CYP2B6: variants seen among roughly 807,000 people sequenced by gnomAD.
The protein encoded by CYP2B6 is cytochrome P450 family 2 subfamily B member 6.
In CYP2B6, 35 loss-of-function variants were observed where a neutral mutation model predicts 43.4. The ratio of observed to expected loss-of-function variants is 0.81; its 90% CI spans 0.62 to 1.07. The LOEUF is 1.07. Ranked by LOEUF, CYP2B6 falls within the 50% of genes least tolerant of loss-of-function variation. CYP2B6 has a pLI of 0.00. For synonymous variants in CYP2B6, 239 were observed against 239.2 expected (o/e 1.00, Z 0.01); for missense variants, 624 against 632.8 (o/e 0.99, Z 0.15).
chr19:41,007,372 G>T, intron 4 of CYP2B6: 1 of 405,150 alleles, frequency 2.5e-6, no homozygotes, highest in East Asian at 4.9e-5. Flanking sequence ...GAGAGACAGA[G>T]TTGATGAGAA....
At chr19:41,005,661 A>G (rs1969167702) in intron 3 of CYP2B6, among the ~76,000 whole-genome samples, 1 of 151,818 alleles carries the variant, frequency 6.6e-6, no homozygotes, top group African/African-American at 2.4e-5. Context: ...CGTGCCTTTA[A>G]TCCCAGCTAC....
chr19:41,000,473 G>A (rs764425405), intron 1 of CYP2B6, among the ~76,000 whole-genome samples: 1 of 152,184 alleles, frequency 6.6e-6, no homozygotes, highest in Non-Finnish European at 1.5e-5. Context: ...GGCCTACAAA[G>A]TGCTGCCTGG....
chr19:41,015,265 T>A (rs767377974), intron 8 of CYP2B6, among the ~76,000 whole-genome samples: 3 of 151,986 alleles, frequency 2.0e-5, no homozygotes, highest in Non-Finnish European at 4.4e-5. Flanking sequence ...GAGAGGGAGA[T>A]AATAAGCCTC....
chr19:41,005,838 CACAG>C (rs1217267387), intron 3 of CYP2B6, among the ~76,000 whole-genome samples: 1 of 151,580 alleles, frequency 6.6e-6, no homozygotes, highest in Non-Finnish European at 1.5e-5. Flanking sequence ...CAAATATACA[CACAG>C]AGAGACAGAA....
Position 41,004,412 on chromosome 19 carries a change from T to C in CYP2B6, c.450T>C (p.Ala150=). 4 of 1,613,806 alleles carry C rather than the reference T, an allele frequency of 2.5e-6. No homozygotes were observed. Among genetic ancestry groups the C allele is most frequent in the Admixed American group, 3.3e-5 (2 of 59,962 alleles). Residue 150 remains alanine, a synonymous_variant, in exon 3 of 9, where the codon GCT becomes GCC. Coordinates refer to ENST00000324071, the MANE Select transcript of CYP2B6 (RefSeq NM_000767.5). ...RSVEERIQEE[A]QCLIEELRKS... ...TGGAGGAGCGGATTCAGGAGGAGGC[T>C]CAGTGTCTGATAGAGGAGCTTCGGA...
At chr19:40,993,172 A>T (rs139730146) in intron 1 of CYP2B6, among the ~76,000 whole-genome samples, 2 of 152,270 alleles carry the variant, frequency 1.3e-5, no homozygotes, top group East Asian at 3.9e-4. Context: ...ATTCATTTGT[A>T]GTTGGCCTGG....
chr19:41,014,499 G>A (rs1969331756), intron 8 of CYP2B6, among the ~76,000 whole-genome samples: 1 of 151,974 alleles, frequency 6.6e-6, no homozygotes, highest in East Asian at 1.9e-4. Flanking sequence ...TAGAGACTGG[G>A]TTTCACCGTG....
chr19:40,997,774 G>C (rs1160789931), intron 1 of CYP2B6, among the ~76,000 whole-genome samples: 2 of 152,048 alleles, frequency 1.3e-5, no homozygotes, highest in Non-Finnish European at 2.9e-5. Context: ...CTTATGATTA[G>C]ATAAGATGTT....
chr19:41,012,886 C>A (rs185532059), intron 8 of CYP2B6, 71 bp downstream of exon 8: 3 of 1,520,942 alleles, frequency 2.0e-6, no homozygotes, highest in Non-Finnish European at 2.7e-6. Context: ...AGAAAAACAA[C>A]GAGAGATACT....
chr19:41,002,115 C>G (rs4803417), intron 1 of CYP2B6, among the ~76,000 whole-genome samples: 1 of 151,970 alleles, frequency 6.6e-6, no homozygotes, highest in South Asian at 2.1e-4. Context: ...CATGTGAACC[C>G]TCAGTGGAGA....
rs534444682 is a variant in CYP2B6 at position 41,014,447 on chromosome 19, G to A, written c.1294+1632G>A. Among the ~76,000 whole-genome samples, 119 of 152,014 alleles carry A rather than the reference G, an allele frequency of 7.8e-4. 1 individual carries two copies. Among genetic ancestry groups the A allele is most frequent in the Non-Finnish European group, 6.8e-4 (46 of 67,972 alleles). On this transcript the variant is annotated intron_variant, in intron 8 of 8. Coordinates refer to ENST00000324071, the MANE Select transcript of CYP2B6 (RefSeq NM_000767.5). Reference sequence around the variant, plus strand: ...CAGCCTCCCGAGTACCTGAAACTACGGGCGCATGCCACCATGCCTGGCTAT... The same window carrying A: ...CAGCCTCCCGAGTACCTGAAACTACAGGCGCATGCCACCATGCCTGGCTAT...
chr19:41,009,534 G>C, intron 5 of CYP2B6, 139 bp downstream of exon 5: 1 of 930,884 alleles, frequency 1.1e-6, no homozygotes, highest in Non-Finnish European at 1.7e-6. Flanking sequence ...ATAGGGAAAG[G>C]GAGGAGAGAA....
chr19:41,004,394 G>A lies in CYP2B6; in HGVS notation c.432G>A (p.Glu144=), dbSNP rs762533351. Reference sequence around the variant, plus strand: ...GGATGGGAAAGCGGAGTGTGGAGGAGCGGATTCAGGAGGAGGCTCAGTGTC... The same window carrying A: ...GGATGGGAAAGCGGAGTGTGGAGGAACGGATTCAGGAGGAGGCTCAGTGTC... ...DFGMGKRSVE[E]RIQEEAQCLI... is the part of the protein sequence containing the mutation. The change falls in exon 3 of 9, where the codon GAG becomes GAA. Residue 144 remains glutamate, a synonymous_variant. Coordinates refer to ENST00000324071, the MANE Select transcript of CYP2B6 (RefSeq NM_000767.5). The A allele has an allele frequency of 8.7e-6, 14 of 1,613,886 alleles. No homozygotes were observed. The highest frequency in any genetic ancestry group is 1.2e-5 in the Non-Finnish European group (14 of 1,180,014).
chr19:41,006,897 C>T lies in CYP2B6; in HGVS notation c.485-8C>T. 1 of 1,613,054 alleles carries T rather than the reference C, an allele frequency of 6.2e-7. No homozygotes were observed. The highest frequency in any genetic ancestry group is 8.5e-7 in the Non-Finnish European group (1 of 1,179,936). On this transcript the variant is annotated splice_polypyrimidine_tract_variant and splice_region_variant and intron_variant, in intron 3 of 8. Transcript: ENST00000324071. ...AGTCTGTGTCCTTGACCTGCTGCTT[C>T]TTCCTAGGGGCCCTCATGGACCCCA... is the stretch of plus-strand genomic sequence containing the variant.
chr19:41,002,277 G>A (rs964538875), intron 1 of CYP2B6, among the ~76,000 whole-genome samples: 2 of 152,122 alleles, frequency 1.3e-5, no homozygotes, highest in African/African-American at 4.8e-5. Flanking sequence ...GAAGTCCAGT[G>A]AAGGGGCTTT....
At chr19:41,011,523 T>TATTG (rs951572706) in intron 6 of CYP2B6, among the ~76,000 whole-genome samples, 1 of 152,254 alleles carries the variant, frequency 6.6e-6, no homozygotes, top group Non-Finnish European at 1.5e-5. Context: ...TGAATTGATC[T>TATTG]ATTGATTGAT....
chr19:40,992,130 A>T (rs1186793828), intron 1 of CYP2B6, among the ~76,000 whole-genome samples: 2 of 148,578 alleles, frequency 1.3e-5, no homozygotes, highest in Non-Finnish European at 3.0e-5. Context: ...TGAATCCAGG[A>T]GGCAGAGGTT....
chr19:41,016,437 GA>G (rs1969367434), intron 8 of CYP2B6, among the ~76,000 whole-genome samples: 66 of 119,354 alleles, frequency 5.5e-4, no homozygotes, highest in African/African-American at 2.1e-3. Flanking sequence ...AAAAAAAAGA[GA>G]GAGAGAGAAA....
chr19:41,013,246 G>C (rs953074096), intron 8 of CYP2B6, among the ~76,000 whole-genome samples: 1 of 152,186 alleles, frequency 6.6e-6, no homozygotes, highest in African/African-American at 2.4e-5. Context: ...CTCATGAAAT[G>C]AATGAATGCC....
Sources: allele counts gnomAD v4.1 joint callset (sites outside exome capture counted in the v4.1 genomes callset), GRCh38; gene constraint gnomAD v4.1.1; transcripts MANE v1.5; gene names NCBI Gene and HGNC (gene_info 2026-07-23, HGNC 2026-07-21).